HMGCL: variants seen among roughly 807,000 people sequenced by gnomAD.
HMGCL encodes 3-hydroxy-3-methylglutaryl-CoA lyase.
Under a neutral mutation model 37.3 loss-of-function variants are expected in HMGCL, and 26 were observed. That is an observed-to-expected ratio of 0.70 (90% CI 0.51 to 0.97). The LOEUF is 0.97. Among genes scored for constraint, HMGCL ranks in the 50% least tolerant of loss-of-function variants. The probability of loss-of-function intolerance (pLI) is 0.00; values close to 1 mark genes in which losing one functional copy is unlikely to be tolerated. For synonymous variants in HMGCL, 151 were observed against 148.0 expected (o/e 1.02, Z -0.15); for missense variants, 379 against 398.1 (o/e 0.95, Z 0.41).
Position 23,820,520 on chromosome 1 carries a change from T to G in HMGCL, c.134A>C (p.Gln45Pro). The change falls in exon 2 of 9, where the codon CAA becomes CCA. Residue 45 changes from glutamine to proline, a missense_variant. Physicochemically the swap from Gln to Pro is moderately conservative, Grantham distance 76. Transcript: ENST00000374490. ...CATTTCCAACTTTACCTTTTCATTT[T>G]GTAGTCCATCTCGGGGACCAACTTC... ...IVEVGPRDGL[Q>P]NEKNIVSTPV... is the part of the protein sequence containing the mutation. 6.2e-7 allele frequency: 1 copy of G among 1,613,428 alleles called. No individual in the cohort carries two copies. Among genetic ancestry groups the G allele is most frequent in the Non-Finnish European group, 8.5e-7 (1 of 1,179,298 alleles).
intron 6 of HMGCL, chr1:23,809,434 T>C (rs1467649850): frequency 1.3e-5 from 2 of 151,346 alleles, no homozygotes; most frequent in East Asian, 3.9e-4. Context: ...GAGACGGGGT[T>C]GCACCATGTT....
At chr1:23,803,300 C>T (rs1426507801) in intron 8 of HMGCL, among the ~76,000 whole-genome samples, 2 of 152,130 alleles carry the variant, frequency 1.3e-5, no homozygotes, top group Admixed American at 6.5e-5. Flanking sequence ...CTCCTGGGTT[C>T]AAGCAATTCT....
chr1:23,804,592 C>G, intron 7 of HMGCL, 67 bp from the exon 8 acceptor site: 1 of 1,553,216 alleles, frequency 6.4e-7, no homozygotes, highest in Non-Finnish European at 8.9e-7. Flanking sequence ...ATGAGCCTTG[C>G]AAACCTCCCA....
At position 23,804,534 on chromosome 1, in the gene HMGCL, A is replaced by G. The variant is rs746009689; in HGVS notation, c.751-9T>C. 2.5e-6 allele frequency: 4 copies of G among 1,614,144 alleles called. No individual in the cohort carries two copies. In the Admixed American group the frequency reaches 5.0e-5, roughly 20 times the overall value. On this transcript the variant is annotated splice_polypyrimidine_tract_variant and intron_variant, in intron 7 of 8. Transcript: ENST00000374490. ...ACGACACTCACTCCCATCTAGAAACATAAGGATGGTGAAACACAGTTGTTG... is the reference window on the plus strand; with the variant it reads ...ACGACACTCACTCCCATCTAGAAACGTAAGGATGGTGAAACACAGTTGTTG...
intron 1 of HMGCL, among the ~76,000 whole-genome samples, chr1:23,824,668 C>T (rs1250308672): frequency 6.6e-6 from 1 of 152,182 alleles, no homozygotes; most frequent in Non-Finnish European, 1.5e-5. Context: ...TCCAAAACAA[C>T]CCCAAGGGAA....
At chr1:23,817,248 G>A (rs1638628545) in intron 3 of HMGCL, among the ~76,000 whole-genome samples, 1 of 152,182 alleles carries the variant, frequency 6.6e-6, no homozygotes, top group Non-Finnish European at 1.5e-5. Flanking sequence ...CTGAGGAGGG[G>A]AAGGCCTTAG....
rs955911861 is a variant in HMGCL, at chr1:23,806,815, T to C, written c.750+1320A>G. On this transcript the variant is annotated intron_variant, in intron 7 of 8. Coordinates refer to ENST00000374490, the MANE Select transcript of HMGCL (RefSeq NM_000191.3). This position sits in a 1 kb window ranked among gnomAD's most constrained non-coding sequence, Gnocchi z 4.0. ...TAGGCACCGTTAGGTTAGGTTTTAA[T>C]AGGTGAATAAATGGTCTTACAATGT... 9.7e-5 allele frequency: 37 copies of C among 381,504 alleles called. No homozygotes were observed. Among genetic ancestry groups the C allele is most frequent in the Middle Eastern group, 1.9e-3 (2 of 1,070 alleles). 23.6% of individuals were successfully genotyped at this position (381,504 alleles called of 1,614,324 possible). A position where few individuals can be genotyped will look rare whatever the true frequency, so the allele number is the denominator to read the frequency against.
chr1:23,814,268 T>A lies in HMGCL; in HGVS notation c.419A>T (p.Asn140Ile). 6.2e-7 allele frequency: 1 copy of A among 1,614,048 alleles called. No homozygotes were observed. The highest frequency in any genetic ancestry group is 8.5e-7 in the Non-Finnish European group (1 of 1,179,996). Residue 140 changes from asparagine (N) to isoleucine (I), a missense_variant, in exon 5 of 9, where the codon AAT becomes ATT. Physicochemically the swap from Asn to Ile is moderately radical, Grantham distance 149. Coordinates refer to ENST00000374490, the MANE Select transcript of HMGCL (RefSeq NM_000191.3). ...CTGAAAACTCTCCTCTATGGAACAATTGATGTTCTTCTTGGTGAAGAGCTC... is the reference window on the plus strand; with the variant it reads ...CTGAAAACTCTCCTCTATGGAACAAATGATGTTCTTCTTGGTGAAGAGCTC... ...ASELFTKKNINCSIEESFQRF... is the reference protein window; with the variant it reads ...ASELFTKKNIICSIEESFQRF...
chr1:23,816,582 T>A (rs1638617025), intron 4 of HMGCL, 93 bp downstream of exon 4: 1 of 839,352 alleles, frequency 1.2e-6, no homozygotes, highest in Non-Finnish European at 2.1e-6. Flanking sequence ...CAGATGGACA[T>A]CCCAGGACAG....
intron 8 of HMGCL, among the ~76,000 whole-genome samples, chr1:23,802,992 G>A (rs992390058): frequency 6.6e-5 from 10 of 152,168 alleles, no homozygotes; most frequent in Non-Finnish European, 1.3e-4. Flanking sequence ...TTGCTGAAGT[G>A]CACTCTGTGC....
intron 2 of HMGCL, among the ~76,000 whole-genome samples, chr1:23,817,856 A>C (rs1481381183): frequency 6.6e-6 from 1 of 152,172 alleles, no homozygotes; most frequent in Non-Finnish European, 1.5e-5. Flanking sequence ...GGAGTATGGG[A>C]TGGGGCCCCC....
chr1:23,823,023 T>C (rs1390155738), intron 1 of HMGCL, among the ~76,000 whole-genome samples: 17 of 151,734 alleles, frequency 1.1e-4, no homozygotes, highest in Non-Finnish European at 5.9e-5. Context: ...TAAAAACACA[T>C]AAATTAGCTA....
chr1:23,817,419 C>T, intron 3 of HMGCL, 57 bp downstream of exon 3: 1 of 1,035,964 alleles, frequency 9.7e-7, no homozygotes, highest in Non-Finnish European at 1.5e-6. Context: ...GCTTCAAAGG[C>T]AAATGCAAAA....
Position 23,825,364 on chromosome 1 carries a change from G to A in HMGCL, c.52C>T (p.Leu18Phe), listed in dbSNP as rs1270557530. The change falls in exon 1 of 9, where the codon CTC becomes TTC. Residue 18 changes from leucine (L) to phenylalanine (F), a missense_variant. By Grantham distance (22) the Leu-to-Phe change is conservative (BLOSUM62 0). Transcript: ENST00000374490. ...LPRRLVGLASLRAVSTSSMGT... is the reference protein window; with the variant it reads ...LPRRLVGLASFRAVSTSSMGT... The stretch of plus-strand genomic sequence containing the variant: ...CGGCTCGGGGCACTTACAGCCCGGA[G>A]GGACGCCAAGCCCACCAGTCGCCGC... The A allele has an allele frequency of 1.3e-6, 2 of 1,559,348 alleles. No homozygotes were observed.
At chr1:23,823,961 A>G (rs1208578582) in intron 1 of HMGCL, among the ~76,000 whole-genome samples, 1 of 151,916 alleles carries the variant, frequency 6.6e-6, no homozygotes, top group Non-Finnish European at 1.5e-5. Flanking sequence ...CACTGAGGCA[A>G]TATCTAAACC....
chr1:23,821,857 A>T (rs918278982), intron 1 of HMGCL, among the ~76,000 whole-genome samples: 8 of 152,014 alleles, frequency 5.3e-5, no homozygotes, highest in Admixed American at 3.3e-4. Context: ...GGCTTTTTTT[A>T]AAAAAACTGG....
chr1:23,825,212 G>C, intron 1 of HMGCL, 144 bp downstream of exon 1: 1 of 705,668 alleles, frequency 1.4e-6, no homozygotes, highest in Non-Finnish European at 2.5e-6. Context: ...AAAAGGGAGG[G>C]TCCAGGACTC....
intron 6 of HMGCL, chr1:23,810,299 G>C (rs1557488854): frequency 4.6e-6 from 1 of 215,444 alleles, no homozygotes; most frequent in African/African-American, 2.3e-5. Flanking sequence ...TTGCACAGTG[G>C]TTTTGAGGAC....
At chr1:23,817,632 G>C in intron 2 of HMGCL, 49 bp from the exon 3 acceptor site, 1 of 1,120,108 alleles carries the variant, frequency 8.9e-7, no homozygotes, top group Non-Finnish European at 1.4e-6. Flanking sequence ...TAACAAAACA[G>C]CCTCAAAATG....
Sources: gnomAD v4.1 joint callset for allele counts (sites outside exome capture counted in the v4.1 genomes callset) on GRCh38, gnomAD v4.1.1 for gene constraint, Gnocchi (gnomAD v3.1) non-coding constraint, MANE v1.5 for transcripts, NCBI Gene and HGNC (gene_info 2026-07-23, HGNC 2026-07-21) for gene names.